ZMAT4: variants seen among roughly 807,000 people sequenced by gnomAD.
The protein encoded by ZMAT4 is zinc finger matrin-type 4.
Under a neutral mutation model 28.7 loss-of-function variants are expected in ZMAT4, and 17 were observed. The ratio of observed to expected loss-of-function variants is 0.59; its 90% CI spans 0.41 to 0.89. The LOEUF is 0.89. Among genes scored for constraint, ZMAT4 ranks in the 40% least tolerant of loss-of-function variants. The pLI, the probability that ZMAT4 is intolerant of heterozygous loss-of-function variation, is 0.00. For synonymous variants in ZMAT4, 117 were observed against 109.2 expected (o/e 1.07, Z -0.44); for missense variants, 240 against 283.8 (o/e 0.85, Z 1.11).
intron 5 of ZMAT4, among the ~76,000 whole-genome samples, chr8:40,604,983 T>C (rs1423935670): frequency 1.3e-5 from 2 of 152,188 alleles, no homozygotes; most frequent in South Asian, 2.1e-4. Context: ...GTGCTCATAG[T>C]AGCCCTGAAT....
At chr8:40,793,068 G>C (rs1374407086) in intron 2 of ZMAT4, among the ~76,000 whole-genome samples, 2 of 152,094 alleles carry the variant, frequency 1.3e-5, no homozygotes, top group African/African-American at 2.4e-5. Context: ...ATAACACAAA[G>C]AGTGAGCCCT....
chr8:40,783,646 G>A (rs1009794440), intron 2 of ZMAT4, among the ~76,000 whole-genome samples: 1 of 151,996 alleles, frequency 6.6e-6, no homozygotes, highest in Non-Finnish European at 1.5e-5. Context: ...ATAAACATAA[G>A]AGATGCATAT....
chr8:40,584,892 C>A (rs1451324825), intron 5 of ZMAT4, among the ~76,000 whole-genome samples: 1 of 152,194 alleles, frequency 6.6e-6, no homozygotes, highest in Non-Finnish European at 1.5e-5. Context: ...CCTTGGCCTC[C>A]CAAAGTGCTG....
chr8:40,785,987 G>T (rs1175190092), intron 2 of ZMAT4, among the ~76,000 whole-genome samples: 1 of 152,074 alleles, frequency 6.6e-6, no homozygotes, highest in East Asian at 1.9e-4. Context: ...AGAGGGTTTA[G>T]CTGCCTTCAG....
intron 2 of ZMAT4, among the ~76,000 whole-genome samples, chr8:40,770,824 C>T (rs747640638): frequency 3.3e-5 from 5 of 152,034 alleles, no homozygotes; most frequent in African/African-American, 4.8e-5. Flanking sequence ...TTCTTCCTGG[C>T]TTTCTCACCC....
rs1197069057 is a variant in ZMAT4, at chr8:40,531,645, C to G, written c.*578G>C. 6.6e-6 allele frequency: 1 copy of G among 152,636 alleles called. No individual in the cohort carries two copies. Among genetic ancestry groups the G allele is most frequent in the Non-Finnish European group, 1.5e-5 (1 of 68,048 alleles). The allele number at this position is 152,636 out of a possible 1,614,324, so 9.5% of individuals were successfully genotyped here. A position where few individuals can be genotyped will look rare whatever the true frequency, so the allele number is the denominator to read the frequency against. On this transcript the variant is annotated 3_prime_UTR_variant, in exon 7 of 7. Coordinates refer to ENST00000297737, the MANE Select transcript of ZMAT4 (RefSeq NM_024645.3). The stretch of plus-strand genomic sequence containing the variant: ...GATGAGAATTCTTCCTTTATTTACT[C>G]CCTTCGTCTTCATTGTTCAGATGGT...
intron 5 of ZMAT4, among the ~76,000 whole-genome samples, chr8:40,638,615 G>A (rs566688819): frequency 3.9e-5 from 6 of 152,286 alleles, no homozygotes; most frequent in African/African-American, 1.4e-4. Flanking sequence ...CTCTGAGGCT[G>A]GAAAAGGAAT....
intron 4 of ZMAT4, among the ~76,000 whole-genome samples, chr8:40,677,999 C>T (rs188944133): frequency 6.6e-6 from 1 of 152,290 alleles, no homozygotes; most frequent in Non-Finnish European, 1.5e-5. Flanking sequence ...GTATCAAAAA[C>T]TCTGGGGGTG....
chr8:40,671,735 A>G (rs1399268661), intron 5 of ZMAT4, among the ~76,000 whole-genome samples: 3 of 152,230 alleles, frequency 2.0e-5, no homozygotes, highest in African/African-American at 7.2e-5. Context: ...TGGGTTACAC[A>G]GGTGTTTGCA....
rs545587703 is a variant in ZMAT4, at chr8:40,684,657, A to G, written c.350-9726T>C. 4.5e-4 allele frequency among the ~76,000 whole-genome samples: 68 copies of G among 152,354 alleles called. No homozygotes were observed. In the East Asian group the frequency reaches 6.2e-3, roughly 14 times the overall value. On this transcript the variant is annotated intron_variant, in intron 4 of 6. Transcript: ENST00000297737. ...AACTAGAGAGCCAGCTTCCTGGATC[A>G]TTTCTTATATCCTTATGAATATTTA... is the stretch of plus-strand genomic sequence containing the variant.
At chr8:40,839,680 G>T (rs1017228172) in intron 1 of ZMAT4, among the ~76,000 whole-genome samples, 6 of 152,194 alleles carry the variant, frequency 3.9e-5, no homozygotes, top group Non-Finnish European at 8.8e-5. Flanking sequence ...ATTGGAGGTC[G>T]ATATCTTAAG....
At chr8:40,871,923 T>A (rs1817871136) in intron 1 of ZMAT4, among the ~76,000 whole-genome samples, 2 of 152,208 alleles carry the variant, frequency 1.3e-5, no homozygotes, top group Admixed American at 1.3e-4. Context: ...TCAGCTCAGA[T>A]TAAAGCTTAA....
intron 2 of ZMAT4, among the ~76,000 whole-genome samples, chr8:40,819,914 CAT>C (rs754738391): frequency 6.6e-6 from 1 of 151,054 alleles, no homozygotes; most frequent in African/African-American, 2.4e-5. Context: ...TTTATATGTT[CAT>C]ATATATATAT....
chr8:40,881,586 G>T (rs1315670461), intron 1 of ZMAT4, among the ~76,000 whole-genome samples: 13 of 104,912 alleles, frequency 1.2e-4, no homozygotes, highest in Non-Finnish European at 2.6e-4. Context: ...AAGAAAGAAA[G>T]AAAGAAAGAA....
chr8:40,801,352 A>AAAAAAAAATATATATATATATATG (rs774919666), intron 2 of ZMAT4, among the ~76,000 whole-genome samples: 2 of 72,146 alleles, frequency 2.8e-5, no homozygotes, highest in Admixed American at 1.2e-4. Context: ...AAAAAAAAAA[A>AAAAAAAAATATATATATATATATG]TATATATATA....
At chr8:40,706,376 T>C (rs1810352293) in intron 3 of ZMAT4, among the ~76,000 whole-genome samples, 2 of 152,180 alleles carry the variant, frequency 1.3e-5, no homozygotes, top group Non-Finnish European at 2.9e-5. Context: ...TAAATATCAG[T>C]TGAACTTAAA....
intron 5 of ZMAT4, among the ~76,000 whole-genome samples, chr8:40,605,278 C>A (rs1488180835): frequency 2.6e-5 from 4 of 152,088 alleles, no homozygotes; most frequent in African/African-American, 9.7e-5. Context: ...CTTAGATTGT[C>A]TATTTGTGCT....
chr8:40,875,591 T>G (rs1054461811), intron 1 of ZMAT4, among the ~76,000 whole-genome samples: 9 of 152,088 alleles, frequency 5.9e-5, no homozygotes, highest in Admixed American at 6.5e-5. Flanking sequence ...AGAGTGTGTG[T>G]GGGGTGTGGT....
chr8:40,691,966 T>A (rs1343017286), intron 4 of ZMAT4, among the ~76,000 whole-genome samples: 2 of 152,188 alleles, frequency 1.3e-5, no homozygotes, highest in Admixed American at 1.3e-4. Flanking sequence ...GATGATACAT[T>A]CCTGTTAAAT....
Sources: allele counts gnomAD v4.1 joint callset (sites outside exome capture counted in the v4.1 genomes callset), GRCh38; gene constraint gnomAD v4.1.1; transcripts MANE v1.5; gene names NCBI Gene and HGNC (gene_info 2026-07-23, HGNC 2026-07-21).